The following PCDH11X variants were observed in gnomAD, a reference collection of about 807,000 sequenced individuals.
The protein encoded by PCDH11X is protocadherin 11 X-linked.
PCDH11X carries 18 observed loss-of-function variants against 53.3 expected under a neutral mutation model. That is an observed-to-expected ratio of 0.34 (90% CI 0.23 to 0.50). PCDH11X has a LOEUF of 0.50. Among genes scored for constraint, PCDH11X ranks in the 20% least tolerant of loss-of-function variants. The pLI, the probability that PCDH11X is intolerant of heterozygous loss-of-function variation, is 0.98. For missense variants in PCDH11X, 570 were observed against 1,032.4 expected (o/e 0.55, Z 6.14); for synonymous variants, 279 against 393.3 (o/e 0.71, Z 3.44).
At chrX:92,233,472 G>T (rs2067118673) in intron 7 of PCDH11X, among the ~76,000 whole-genome samples, 1 of 111,169 alleles carries the variant, frequency 9.0e-6, no homozygotes, top group Non-Finnish European at 1.9e-5. Context: ...AAACATTCAC[G>T]AGTTATAAGT....
chrX:91,828,244 C>G (rs57545703), intron 4 of PCDH11X, among the ~76,000 whole-genome samples: 1 of 108,667 alleles, frequency 9.2e-6, no homozygotes, highest in Non-Finnish European at 1.9e-5. Context: ...CTCAGCCTCC[C>G]GCATAGCTGG....
At chrX:92,148,057 CCTTT>C (rs1190209890) in intron 6 of PCDH11X, among the ~76,000 whole-genome samples, 200 of 16,949 alleles carry the variant, frequency 0.012, 6 homozygotes, top group Middle Eastern at 0.053. Flanking sequence ...TTCCTTCCTT[CCTTT>C]CTTTCTTTCT....
intron 6 of PCDH11X, chrX:91,879,554 A>G (rs1345703614): frequency 9.4e-7 from 1 of 1,066,656 alleles, no homozygotes; most frequent in Non-Finnish European, 1.2e-6. Context: ...TATATTGAAA[A>G]AAACTTCAAC....
intron 6 of PCDH11X, among the ~76,000 whole-genome samples, chrX:92,137,088 G>A (rs1404826490): frequency 1.9e-5 from 2 of 107,942 alleles, no homozygotes; most frequent in African/African-American, 3.4e-5. Context: ...CAAACTCCTG[G>A]CCTTGAGGGA....
At chrX:92,380,037 A>T (rs2070840391) in intron 8 of PCDH11X, among the ~76,000 whole-genome samples, 1 of 100,101 alleles carries the variant, frequency 1.0e-5, no homozygotes, top group Admixed American at 1.1e-4. Flanking sequence ...ATAAGAGAAG[A>T]GCTGTGCCCT....
intron 8 of PCDH11X, among the ~76,000 whole-genome samples, chrX:92,386,280 AAATG>A: frequency 9.0e-6 from 1 of 111,590 alleles, no homozygotes; most frequent in African/African-American, 3.3e-5. Context: ...CCATCTGAAG[AAATG>A]GCTGACTGTT....
intron 7 of PCDH11X, among the ~76,000 whole-genome samples, chrX:92,211,581 A>G (rs951204825): frequency 1.8e-5 from 2 of 112,171 alleles, no homozygotes; most frequent in African/African-American, 6.5e-5. Flanking sequence ...TAATCCTGGA[A>G]TAGTGCTAAC....
intron 6 of PCDH11X, among the ~76,000 whole-genome samples, chrX:92,092,646 C>T (rs2064067551): frequency 1.8e-5 from 2 of 111,573 alleles, no homozygotes; most frequent in Non-Finnish European, 3.8e-5. Context: ...TTTTGAGTTT[C>T]TGATTAACCT....
At chrX:92,355,417 C>CAAAAAAAAAAAAAAA (rs57339128) in intron 8 of PCDH11X, among the ~76,000 whole-genome samples, 3 of 23,587 alleles carry the variant, frequency 1.3e-4, no homozygotes, top group African/African-American at 2.8e-4. Context: ...GACTCCGTCT[C>CAAAAAAAAAAAAAAA]AAAAAAAAAA....
Position 92,375,380 on chromosome X carries a change from G to A in PCDH11X, c.3145-12355G>A, listed in dbSNP as rs879055380. On this transcript the variant is annotated intron_variant, in intron 8 of 10. Coordinates refer to ENST00000682573, the MANE Select transcript of PCDH11X (RefSeq NM_032968.5). ...GTTTTAGTAGAGACAGGGTTTCACC[G>A]TGTTAGCCAGGATGGTCTTGATCTC... Among the ~76,000 whole-genome samples the A allele has an allele frequency of 1.1e-3, 103 of 97,747 alleles. 1 individual carries two copies. Among genetic ancestry groups the A allele is most frequent in the East Asian group, 5.7e-3 (18 of 3,173 alleles). The allele number at this position is 97,747 out of a possible 115,157, so 84.9% of individuals were successfully genotyped here.
intron 7 of PCDH11X, among the ~76,000 whole-genome samples, chrX:92,256,984 T>A (rs896890284): frequency 9.0e-6 from 1 of 111,507 alleles, no homozygotes; most frequent in Admixed American, 9.6e-5. Context: ...ATAAAGAAAT[T>A]TCTGAGACTG....
chrX:91,824,648 A>C lies in PCDH11X; in HGVS notation c.-44-10813A>C, dbSNP rs188943909. Among the ~76,000 whole-genome samples, 272 of 101,224 alleles carry C rather than the reference A, an allele frequency of 2.7e-3. 1 individual carries two copies. The East Asian group carries it at 0.033, about 12-fold the overall frequency. 87.9% of individuals were successfully genotyped at this position (101,224 alleles called of 115,157 possible). ...TCCTCCTGTAGCTCAGAGTAATTTG[A>C]TCGTCTGAAGCCATCTTCTCTCAGC... On this transcript the variant is annotated intron_variant, in intron 4 of 10. Transcript: ENST00000682573.
At chrX:91,983,070 C>T in intron 6 of PCDH11X, 14 of 1,174,914 alleles carry the variant, frequency 1.2e-5, no homozygotes, top group Non-Finnish European at 1.5e-5. Context: ...GCCCTTGTAA[C>T]CCAGCACCAG....
chrX:92,605,402 A>G, intron 10 of PCDH11X, among the ~76,000 whole-genome samples: 1 of 111,826 alleles, frequency 8.9e-6, no homozygotes, highest in Admixed American at 9.5e-5. Context: ...CAGAAGCAAG[A>G]CATAGGATGT....
chrX:92,428,440 T>C (rs2072175333), intron 9 of PCDH11X, among the ~76,000 whole-genome samples: 1 of 111,121 alleles, frequency 9.0e-6, no homozygotes, highest in African/African-American at 3.3e-5. Flanking sequence ...ATCATTGCCC[T>C]TTTCCGGTGT....
intron 8 of PCDH11X, among the ~76,000 whole-genome samples, chrX:92,294,826 G>A (rs1415557165): frequency 6.9e-5 from 7 of 101,054 alleles, no homozygotes; most frequent in Non-Finnish European, 1.2e-4. Context: ...TGGATTCAAG[G>A]CCCTAGAGAA....
chrX:92,263,105 C>T lies in PCDH11X; in HGVS notation c.3115-9C>T. On this transcript the variant is annotated splice_polypyrimidine_tract_variant and intron_variant, in intron 7 of 10. Coordinates refer to ENST00000682573, the MANE Select transcript of PCDH11X (RefSeq NM_032968.5). ...TTGCTTCCCTTGCCTCCATTTTATC[C>T]TAAATCAGCGGAAATCTGAAGGGAA... The T allele has an allele frequency of 1.7e-6, 2 of 1,181,179 alleles. No individual in the cohort carries two copies. The highest frequency in any genetic ancestry group is 2.3e-6 in the Non-Finnish European group (2 of 877,664).
intron 4 of PCDH11X, among the ~76,000 whole-genome samples, chrX:91,833,825 C>T (rs1937199394): frequency 9.0e-6 from 1 of 111,652 alleles, no homozygotes; most frequent in Non-Finnish European, 1.9e-5. Flanking sequence ...TCATATAACA[C>T]ATTGCTTGGC....
chrX:92,031,605 C>T (rs2148014704), intron 6 of PCDH11X, among the ~76,000 whole-genome samples: 1 of 111,865 alleles, frequency 8.9e-6, no homozygotes, highest in African/African-American at 3.2e-5. Context: ...GTGTTCATTT[C>T]ATAATTTCAT....
Sources: gnomAD v4.1 joint callset for allele counts (sites outside exome capture counted in the v4.1 genomes callset) on GRCh38, gnomAD v4.1.1 for gene constraint, MANE v1.5 for transcripts, NCBI Gene and HGNC (gene_info 2026-07-23, HGNC 2026-07-21) for gene names.